NAALADL2: variants seen among roughly 807,000 people sequenced by gnomAD.
NAALADL2 encodes the protein inactive N-acetylated-alpha-linked acidic dipeptidase-like protein 2.
In NAALADL2, 76 loss-of-function variants were observed where a neutral mutation model predicts 87.2. The observed-to-expected ratio is 0.87, with a 90% CI of 0.72 to 1.05. NAALADL2 has a LOEUF of 1.05. NAALADL2 is among the 50% of genes least tolerant of loss of function. The pLI is 0.00. For missense variants in NAALADL2, 1,089 were observed against 945.8 expected (o/e 1.15, Z -1.99); for synonymous variants, 354 against 331.0 (o/e 1.07, Z -0.75).
intron 9 of NAALADL2, among the ~76,000 whole-genome samples, chr3:175,551,791 A>G (rs7622184): frequency 0.2 from 29,878 of 151,878 alleles, 3,024 homozygotes; most frequent in Middle Eastern, 0.24. Flanking sequence ...CCAGCTACTC[A>G]GGAGGCTGAG....
chr3:175,572,143 T>C (rs1718172939), intron 9 of NAALADL2, among the ~76,000 whole-genome samples: 1 of 152,114 alleles, frequency 6.6e-6, no homozygotes, highest in African/African-American at 2.4e-5. Context: ...CTCAGAAAAC[T>C]GTGTTGTCCC....
chr3:175,785,939 T>G (rs1418077604), intron 13 of NAALADL2, among the ~76,000 whole-genome samples: 2 of 151,144 alleles, frequency 1.3e-5, no homozygotes, highest in South Asian at 2.1e-4. Context: ...GTCTGTAAAG[T>G]ATTTTATTTC....
At chr3:175,532,408 A>G (rs1279979503) in intron 9 of NAALADL2, among the ~76,000 whole-genome samples, 2 of 152,146 alleles carry the variant, frequency 1.3e-5, no homozygotes, top group African/African-American at 4.8e-5. Flanking sequence ...TCCTTCCTCA[A>G]GGGGACTTGG....
rs547728116 is a variant in NAALADL2, at chr3:174,661,044, T to C, written c.-114-76597T>C. Among the ~76,000 whole-genome samples the C allele has an allele frequency of 1.2e-4, 18 of 152,260 alleles. No individual in the cohort carries two copies. In the South Asian group the frequency reaches 3.3e-3, roughly 28 times the overall value. Reference sequence around the variant, plus strand: ...TAGGGAAAAGTGTAGCCACTAGGTATGTAGAGGCCTTACTCTTGATTAAAA... The same window carrying C: ...TAGGGAAAAGTGTAGCCACTAGGTACGTAGAGGCCTTACTCTTGATTAAAA... On this transcript the variant is annotated intron_variant, in intron 2 of 3. Coordinates refer to the NAALADL2 transcript ENST00000434257.
chr3:175,611,810 G>A (rs1014416008), intron 10 of NAALADL2, among the ~76,000 whole-genome samples: 1 of 152,164 alleles, frequency 6.6e-6, no homozygotes, highest in Non-Finnish European at 1.5e-5. Context: ...GACACTCATT[G>A]AGAGACAAAC....
intron 11 of NAALADL2, among the ~76,000 whole-genome samples, chr3:175,700,390 G>GA (rs1303630097): frequency 1.3e-5 from 2 of 152,116 alleles, no homozygotes; most frequent in Admixed American, 6.6e-5. Context: ...TATATTCAGA[G>GA]AAAAAAGGCT....
At chr3:175,726,277 A>AC (rs1037570781) in intron 11 of NAALADL2, among the ~76,000 whole-genome samples, 2 of 151,948 alleles carry the variant, frequency 1.3e-5, no homozygotes, top group African/African-American at 4.8e-5. Context: ...AAAAAAAAAA[A>AC]AAATTACATG....
At chr3:174,670,481 ATTTG>A (rs2108800542) in intron 2 of NAALADL2, among the ~76,000 whole-genome samples, 1 of 151,368 alleles carries the variant, frequency 6.6e-6, no homozygotes, top group South Asian at 2.1e-4. Flanking sequence ...TGGGTTTGTA[ATTTG>A]TTTATTTTTT....
chr3:175,293,985 A>G (rs1755988860), intron 4 of NAALADL2, among the ~76,000 whole-genome samples: 1 of 152,204 alleles, frequency 6.6e-6, no homozygotes, highest in Non-Finnish European at 1.5e-5. Flanking sequence ...ATCCTAGTGC[A>G]AAGCCACACA....
At chr3:175,402,745 C>G (rs1000000179) in intron 5 of NAALADL2, among the ~76,000 whole-genome samples, 2 of 151,894 alleles carry the variant, frequency 1.3e-5, no homozygotes, top group Non-Finnish European at 2.9e-5. Context: ...CTGGGAAACC[C>G]TTTGTAATAC....
Position 175,498,579 on chromosome 3 carries a change from C to G in NAALADL2, c.1653+26821C>G, listed in dbSNP as rs1258702100. Reference sequence around the variant, plus strand: ...GTGGGATATAAAGTTCAGGATCTATCTTGAATTAGGCTCATCTGGATTTTT... The same window carrying G: ...GTGGGATATAAAGTTCAGGATCTATGTTGAATTAGGCTCATCTGGATTTTT... On this transcript the variant is annotated intron_variant, in intron 9 of 13. Coordinates refer to ENST00000454872, the MANE Select transcript of NAALADL2 (RefSeq NM_207015.3). Among the ~76,000 whole-genome samples the G allele has an allele frequency of 4.6e-5, 7 of 152,166 alleles. No homozygotes were observed. In the East Asian group the frequency reaches 1.4e-3, roughly 29 times the overall value.
chr3:174,475,609 G>A (rs1717166154), intron 1 of NAALADL2, among the ~76,000 whole-genome samples: 1 of 151,932 alleles, frequency 6.6e-6, no homozygotes, highest in Admixed American at 6.6e-5. Flanking sequence ...CATTCATTCT[G>A]CAGATATTAT....
chr3:174,808,539 A>C (rs1244339459), intron 3 of NAALADL2, among the ~76,000 whole-genome samples: 1 of 152,188 alleles, frequency 6.6e-6, no homozygotes, highest in Non-Finnish European at 1.5e-5. Flanking sequence ...GCTGCCAAAA[A>C]GTCAATACAG....
chr3:175,296,851 T>G (rs2110188739), intron 4 of NAALADL2, among the ~76,000 whole-genome samples: 1 of 152,254 alleles, frequency 6.6e-6, no homozygotes, highest in African/African-American at 2.4e-5. Context: ...ATTTTGAGCA[T>G]TTCAGGGGAT....
chr3:175,790,981 G>A (rs1007934812), intron 13 of NAALADL2, among the ~76,000 whole-genome samples: 81 of 152,204 alleles, frequency 5.3e-4, no homozygotes, highest in African/African-American at 1.9e-3. Context: ...TGGGTGTCAT[G>A]CATTAGGTTT....
At chr3:174,598,872 T>C (rs1380302755) in intron 2 of NAALADL2, among the ~76,000 whole-genome samples, 1 of 152,200 alleles carries the variant, frequency 6.6e-6, no homozygotes, top group Non-Finnish European at 1.5e-5. Flanking sequence ...ATATCTATTA[T>C]GTGTTGAAAA....
At chr3:174,450,695 C>T (rs376740032) in intron 1 of NAALADL2, among the ~76,000 whole-genome samples, 1 of 151,908 alleles carries the variant, frequency 6.6e-6, no homozygotes, top group Admixed American at 6.6e-5. Context: ...CATGGTGAAA[C>T]CCCGTCTCCA....
intron 9 of NAALADL2, among the ~76,000 whole-genome samples, chr3:175,480,080 A>G (rs920244232): frequency 2.0e-5 from 3 of 151,212 alleles, no homozygotes; most frequent in Non-Finnish European, 3.0e-5. Context: ...TCATAAATTC[A>G]TCTTTTATTT....
intron 1 of NAALADL2, among the ~76,000 whole-genome samples, chr3:174,506,763 T>A (rs992623067): frequency 4.6e-5 from 7 of 152,190 alleles, no homozygotes; most frequent in Non-Finnish European, 1.0e-4. Flanking sequence ...GTGTGTGAAA[T>A]TTGGTATGTC....
Sources: allele counts gnomAD v4.1 joint callset (sites outside exome capture counted in the v4.1 genomes callset), GRCh38; gene constraint gnomAD v4.1.1; transcripts MANE v1.5; gene names NCBI Gene and HGNC (gene_info 2026-07-23, HGNC 2026-07-21).